The following PRPF8 variants were observed in gnomAD, a reference collection of about 807,000 sequenced individuals.
The protein encoded by PRPF8 is pre-mRNA-processing-splicing factor 8.
Under a neutral mutation model 285.9 loss-of-function variants are expected in PRPF8, and 64 were observed. That is an observed-to-expected ratio of 0.22 (90% CI 0.18 to 0.28). The LOEUF is 0.28. Among genes scored for constraint, PRPF8 ranks in the 10% least tolerant of loss-of-function variants. The pLI, the probability that PRPF8 is intolerant of heterozygous loss-of-function variation, is 1.00. For missense variants in PRPF8, 1,426 were observed against 3,026.7 expected (o/e 0.47, Z 12.41); for synonymous variants, 1,325 against 1,118.2 (o/e 1.18, Z -3.69).
intron 13 of PRPF8, 101 bp from the exon 14 acceptor site, chr17:1,677,795 A>C: frequency 6.8e-7 from 1 of 1,466,962 alleles, no homozygotes; most frequent in East Asian, 2.3e-5. Context: ...ATATACATAC[A>C]GAGGAATGTA....
chr17:1,672,824 C>T, intron 24 of PRPF8: 3 of 577,438 alleles, frequency 5.2e-6, no homozygotes, highest in South Asian at 4.2e-5. Flanking sequence ...ATAATAAATC[C>T]AACTTTTACT....
Position 1,681,938 on chromosome 17 carries a change from C to G in PRPF8, c.535G>C (p.Ala179Pro), listed in dbSNP as rs777507834. ...GGCTCAACATCTAGGATGTTGTCAG[C>G]ATAGTCCAAGGGCGGCTCCTCATCA... ...FDDEEPPLDY[A>P]DNILDVEPLE... is the part of the protein sequence containing the mutation. Residue 179 changes from alanine (A) to proline (P), a missense_variant, in exon 5 of 43, where the codon GCT becomes CCT. This residue lies in a region of PRPF8 where 96 missense variants were observed against 188.3 expected (regional missense o/e 0.51). Transcript: ENST00000304992. 6 of 1,614,060 alleles carry G rather than the reference C, an allele frequency of 3.7e-6. No homozygotes were observed. The highest frequency in any genetic ancestry group is 5.1e-6 in the Non-Finnish European group (6 of 1,179,996).
chr17:1,670,796 C>T (rs1162884892), intron 24 of PRPF8, among the ~76,000 whole-genome samples: 1 of 152,172 alleles, frequency 6.6e-6, no homozygotes, highest in Non-Finnish European at 1.5e-5. Context: ...CTGCTCTCAT[C>T]ATTTTTATCT....
In PRPF8 at chr17:1,675,777, G is replaced by A. The variant is rs878916133; in HGVS notation, c.2715C>T (p.Leu905=). The change falls in exon 19 of 43, where the codon CTC becomes CTT. Residue 905 remains leucine (L), a synonymous_variant. Coordinates refer to ENST00000304992, the MANE Select transcript of PRPF8 (RefSeq NM_006445.4). The surrounding 1 kb of genome is among the most constrained non-coding windows in gnomAD (Gnocchi z 6.0). The part of the protein sequence containing the change: ...GIEFMDLYSH[L]VPVYDVEPLE... Reference sequence around the variant, plus strand: ...GGGGCTCAACATCATATACTGGAACGAGGTGGCTATACAGATCCATGAACT... The same window carrying A: ...GGGGCTCAACATCATATACTGGAACAAGGTGGCTATACAGATCCATGAACT... 1.3e-5 allele frequency: 21 copies of A among 1,614,148 alleles called. No individual in the cohort carries two copies. The highest frequency in any genetic ancestry group is 1.6e-4 in the Middle Eastern group (1 of 6,062).
chr17:1,661,385 T>C lies in PRPF8; in HGVS notation c.4224A>G (p.Leu1408=), dbSNP rs1332445312. The C allele has an allele frequency of 3.7e-6, 6 of 1,614,088 alleles. No individual in the cohort carries two copies. Among genetic ancestry groups the C allele is most frequent in the East Asian group, 2.2e-5 (1 of 44,904 alleles). ...GAATGCCACGATCCCATGAATCTTC[T>C]AGGTCTTCTAAAGTCAGGCGTCTTC... is the stretch of plus-strand genomic sequence containing the variant. ...AQNRRLTLED[L]EDSWDRGIPR... Residue 1408 remains leucine (L), a synonymous_variant, in exon 27 of 43, where the codon CTA becomes CTG. Transcript: ENST00000304992. This position sits in a 1 kb window ranked among gnomAD's most constrained non-coding sequence, Gnocchi z 7.3.
Position 1,679,628 on chromosome 17 carries a change from T to G in PRPF8, c.1270A>C (p.Ile424Leu). 1 of 1,613,672 alleles carries G rather than the reference T, an allele frequency of 6.2e-7. No individual in the cohort carries two copies. Among genetic ancestry groups the G allele is most frequent in the Non-Finnish European group, 8.5e-7 (1 of 1,179,974 alleles). The change falls in exon 9 of 43, where the codon ATA (isoleucine) becomes CTA (leucine). Residue 424 changes from isoleucine (I) to leucine (L), a missense_variant. Coordinates refer to ENST00000304992, the MANE Select transcript of PRPF8 (RefSeq NM_006445.4). The surrounding 1 kb of genome is among the most constrained non-coding windows in gnomAD (Gnocchi z 4.7). ...RSGRTRRALD[I>L]PLVKNWYREH... ...CCTTACCAGTTCTTGACAAGGGGTA[T>G]GTCCAGGGCCCGACGGGTGCGACCA...
chr17:1,672,840 CTTAA>C (rs755295628), intron 24 of PRPF8: 8 of 594,244 alleles, frequency 1.3e-5, no homozygotes, highest in Non-Finnish European at 2.1e-5. Flanking sequence ...TTACTCTTGC[CTTAA>C]TTTAGAATCA....
intron 24 of PRPF8, among the ~76,000 whole-genome samples, chr17:1,668,746 A>C (rs1441029569): frequency 6.6e-6 from 1 of 151,946 alleles, no homozygotes; most frequent in Non-Finnish European, 1.5e-5. Flanking sequence ...CTTAATCACC[A>C]GTGTAATCTA....
At position 1,661,569 on chromosome 17, in the gene PRPF8, C is replaced by T; in HGVS notation, c.4202+42G>A. 6.8e-6 allele frequency: 11 copies of T among 1,612,006 alleles called. No homozygotes were observed. Among genetic ancestry groups the T allele is most frequent in the Admixed American group, 1.7e-5 (1 of 60,006 alleles). On this transcript the variant is annotated intron_variant, in intron 26 of 42. Transcript: ENST00000304992. This position sits in a 1 kb window ranked among gnomAD's most constrained non-coding sequence, Gnocchi z 7.3. ...ACTCCACACGGTTCAAAGGCCACCACTGCCCCTGCCCCAGGGTTGGCATGC... is the reference window on the plus strand; with the variant it reads ...ACTCCACACGGTTCAAAGGCCACCATTGCCCCTGCCCCAGGGTTGGCATGC...
In PRPF8 at chr17:1,661,419, G is replaced by T; in HGVS notation, c.4203-13C>A. The T allele has an allele frequency of 6.2e-7, 1 of 1,614,142 alleles. No homozygotes were observed. Among genetic ancestry groups the T allele is most frequent in the Non-Finnish European group, 8.5e-7 (1 of 1,180,044 alleles). On this transcript the variant is annotated splice_polypyrimidine_tract_variant and intron_variant, in intron 26 of 42. Coordinates refer to ENST00000304992, the MANE Select transcript of PRPF8 (RefSeq NM_006445.4). This position sits in a 1 kb window ranked among gnomAD's most constrained non-coding sequence, Gnocchi z 7.3. ...TAAAGTCAGGCGTCTTCCAAAAAAA[G>T]AAAGATTCAAGTCAAAACGTGATCT... is the stretch of plus-strand genomic sequence containing the variant.
At position 1,651,933 on chromosome 17, in the gene PRPF8, T is replaced by C; in HGVS notation, c.6370-145A>G. The C allele has an allele frequency of 1.9e-6, 2 of 1,054,314 alleles. No homozygotes were observed. Among genetic ancestry groups the C allele is most frequent in the East Asian group, 4.9e-5 (2 of 40,990 alleles). The allele number at this position is 1,054,314 out of a possible 1,614,324, so 65.3% of individuals were successfully genotyped here. The stretch of plus-strand genomic sequence containing the variant: ...CAGAACCCCCTGTATCAGAATCAGC[T>C]GGGGTGCTTGTTCAAAATGTTAGAC... On this transcript the variant is annotated intron_variant, in intron 39 of 42. Transcript: ENST00000304992. The surrounding 1 kb of genome is among the most constrained non-coding windows in gnomAD (Gnocchi z 5.1).
At chr17:1,681,083 CTTTTT>C (rs111281280) in intron 6 of PRPF8, 29 bp from the exon 7 acceptor site, 5 of 1,311,064 alleles carry the variant, frequency 3.8e-6, no homozygotes, top group Non-Finnish European at 5.3e-6. Context: ...AATAAGCAGA[CTTTTT>C]TTTTTTTGAG....
At chr17:1,674,800 G>A in intron 20 of PRPF8, 120 bp from the exon 21 acceptor site, 1 of 1,066,554 alleles carries the variant, frequency 9.4e-7, no homozygotes, top group South Asian at 1.3e-5. Flanking sequence ...AGGCGGAGTT[G>A]TGCTCAGTCA....
At chr17:1,662,275 T>C in intron 24 of PRPF8, 122 bp from the exon 25 acceptor site, 1 of 1,136,606 alleles carries the variant, frequency 8.8e-7, no homozygotes, top group South Asian at 1.3e-5. Flanking sequence ...ACATCATTAG[T>C]CACTAGGGAA....
Position 1,659,223 on chromosome 17 carries a change from A to C in PRPF8, c.5138+134T>G, listed in dbSNP as rs1035764997. 32 of 1,013,228 alleles carry C rather than the reference A, an allele frequency of 3.2e-5. No individual in the cohort carries two copies. The highest frequency in any genetic ancestry group is 4.9e-5 in the Non-Finnish European group (32 of 657,728). 62.8% of individuals were successfully genotyped at this position (1,013,228 alleles called of 1,614,324 possible). ...TGTATTTTGGTAGAGACAGGGTTTCACCATGTTGCCCAGACTGGTCTCAAA... is the reference window on the plus strand; with the variant it reads ...TGTATTTTGGTAGAGACAGGGTTTCCCCATGTTGCCCAGACTGGTCTCAAA... On this transcript the variant is annotated intron_variant, in intron 32 of 42. Transcript: ENST00000304992. This position sits in a 1 kb window ranked among gnomAD's most constrained non-coding sequence, Gnocchi z 5.1.
At chr17:1,681,153 AC>A in intron 6 of PRPF8, 99 bp from the exon 7 acceptor site, 5 of 1,339,604 alleles carry the variant, frequency 3.7e-6, no homozygotes. Flanking sequence ...ATCATCGTTC[AC>A]TGCAGCCGTG....
In PRPF8 at chr17:1,658,799, A is replaced by G; in HGVS notation, c.5139-36T>C. On this transcript the variant is annotated intron_variant, in intron 32 of 42. Transcript: ENST00000304992. This position sits in a 1 kb window ranked among gnomAD's most constrained non-coding sequence, Gnocchi z 4.1. ...AAAAGGGTCAAGAAAAGTTAAGACG[A>G]GAATGACAGCCCCAGAAACAAGACA... 1.9e-6 allele frequency: 3 copies of G among 1,578,616 alleles called. No homozygotes were observed. The highest frequency in any genetic ancestry group is 2.6e-6 in the Non-Finnish European group (3 of 1,147,596).
chr17:1,667,195 G>A (rs1912039578), intron 24 of PRPF8, among the ~76,000 whole-genome samples: 1 of 152,100 alleles, frequency 6.6e-6, no homozygotes, highest in Non-Finnish European at 1.5e-5. Flanking sequence ...GAGGGCCAGG[G>A]GCCAGGATAG....
Position 1,651,102 on chromosome 17 carries a change from A to G in PRPF8, c.6853+6T>C. The G allele has an allele frequency of 6.2e-7, 1 of 1,614,006 alleles. No individual in the cohort carries two copies. Among genetic ancestry groups the G allele is most frequent in the Non-Finnish European group, 8.5e-7 (1 of 1,179,988 alleles). On this transcript the variant is annotated splice_donor_region_variant and intron_variant, in intron 42 of 42. Transcript: ENST00000304992. This position sits in a 1 kb window ranked among gnomAD's most constrained non-coding sequence, Gnocchi z 5.1. ...ATCCCCACATCCCCAGGCTCCTCCC[A>G]CTTACCCATGAAGTTGTAGTTCCAC...
Sources: allele counts gnomAD v4.1 joint callset (sites outside exome capture counted in the v4.1 genomes callset), GRCh38; gene constraint gnomAD v4.1.1; regional missense constraint gnomAD v4.1.1; non-coding constraint Gnocchi (gnomAD v3.1); transcripts MANE v1.5; gene names NCBI Gene and HGNC (gene_info 2026-07-23, HGNC 2026-07-21).